KLRD1: variants seen among roughly 807,000 people sequenced by gnomAD.
The protein encoded by KLRD1 is natural killer cells antigen CD94.
Under a neutral mutation model 22.6 loss-of-function variants are expected in KLRD1, and 21 were observed. That is an observed-to-expected ratio of 0.93 (90% CI 0.66 to 1.34). The LOEUF is 1.34. KLRD1 is among the 40% of genes most tolerant of loss of function. The pLI is 0.00. For synonymous variants in KLRD1, 59 were observed against 71.1 expected, an observed-to-expected ratio of 0.83 and a Z score of 0.85; for missense variants, 183 against 208.6, an observed-to-expected ratio of 0.88 and a Z score of 0.76.
Position 10,324,915 on chromosome 12 carries a change from T to G in KLRD1, c.*10122T>G, listed in dbSNP as rs1317240876. 6.7e-6 allele frequency: 1 copy of G among 149,034 alleles called. No homozygotes were observed. The highest frequency in any genetic ancestry group is 2.0e-4 in the East Asian group (1 of 5,042). 9.2% of individuals were successfully genotyped at this position (149,034 alleles called of 1,614,324 possible). A position where few individuals can be genotyped will look rare whatever the true frequency, so the allele number is the denominator to read the frequency against. On this transcript the variant is annotated 3_prime_UTR_variant, in exon 6 of 6. Coordinates refer to ENST00000336164, the MANE Select transcript of KLRD1 (RefSeq NM_002262.5). ...CCTAAATTCACTTATCCTAGCAGCA[T>G]TTCTGTAGATTTCATTGGGTTATCT...
intron 1 of KLRD1, among the ~76,000 whole-genome samples, chr12:10,271,706 G>A (rs1353144809): frequency 5.3e-5 from 8 of 151,924 alleles, no homozygotes; most frequent in Non-Finnish European, 8.8e-5. Context: ...CTATAATCCA[G>A]CTATATGTAT....
chr12:10,246,323 G>C (rs984898850), intron 1 of KLRD1, among the ~76,000 whole-genome samples: 4 of 151,610 alleles, frequency 2.6e-5, no homozygotes, highest in Non-Finnish European at 5.9e-5. Flanking sequence ...AAAATTACAT[G>C]GTATTAAAAT....
rs60673819 is a variant in KLRD1 at position 10,324,843 on chromosome 12, T to TATATATATATATATATATA, written c.*10050_*10051insATATATATATATATATATA. On this transcript the variant is annotated 3_prime_UTR_variant, in exon 6 of 6. Coordinates refer to ENST00000336164, the MANE Select transcript of KLRD1 (RefSeq NM_002262.5). ...GTATATATATATATATATATATATATTCATTTACACAGTTGATTCTAAGTG... is the reference window on the plus strand; with the variant it reads ...GTATATATATATATATATATATATATATATATATATATATATATATCATTTACACAGTTGATTCTAAGTG... 284 of 141,576 alleles carry TATATATATATATATATATA rather than the reference T, an allele frequency of 2.0e-3. 1 individual carries two copies. Among genetic ancestry groups the TATATATATATATATATATA allele is most frequent in the Non-Finnish European group, 3.0e-3 (196 of 64,432 alleles). 8.8% of individuals were successfully genotyped at this position (141,576 alleles called of 1,614,324 possible).
intron 1 of KLRD1, among the ~76,000 whole-genome samples, chr12:10,248,911 C>A (rs1453503321): frequency 1.3e-5 from 2 of 151,856 alleles, no homozygotes; most frequent in African/African-American, 4.8e-5. Context: ...AGTATACTTT[C>A]CGCTTGATGA....
At chr12:10,297,945 G>A (rs1005507927) in intron 1 of KLRD1, among the ~76,000 whole-genome samples, 2 of 152,086 alleles carry the variant, frequency 1.3e-5, no homozygotes, top group Admixed American at 6.6e-5. Context: ...ATCACCAAAG[G>A]AGTCACTTAC....
chr12:10,308,148 T>C, intron 1 of KLRD1, 64 bp downstream of exon 1: 1 of 1,437,620 alleles, frequency 7.0e-7, no homozygotes, highest in Admixed American at 1.7e-5. Flanking sequence ...GATTGGCTGA[T>C]TTTGGGGTAA....
rs1950334577 is a variant in KLRD1, at chr12:10,323,868, T to TTTTTTTC, written c.*9081_*9082insCTTTTTT. The stretch of plus-strand genomic sequence containing the variant: ...CTTTTATTTCTTATTTCTTTCCTTT[T>TTTTTTTC]TTTTTTTTTTTGAGACTGAGTATTG... On this transcript the variant is annotated 3_prime_UTR_variant, in exon 6 of 6. Coordinates refer to ENST00000336164, the MANE Select transcript of KLRD1 (RefSeq NM_002262.5). 1 of 140,696 alleles carries TTTTTTTC rather than the reference T, an allele frequency of 7.1e-6. No homozygotes were observed. Among genetic ancestry groups the TTTTTTTC allele is most frequent in the Non-Finnish European group, 1.6e-5 (1 of 63,938 alleles). The allele number at this position is 140,696 out of a possible 1,614,324, so 8.7% of individuals were successfully genotyped here.
At chr12:10,269,483 T>G (rs1565454403) in intron 1 of KLRD1, among the ~76,000 whole-genome samples, 1 of 152,192 alleles carries the variant, frequency 6.6e-6, no homozygotes, top group East Asian at 1.9e-4. Flanking sequence ...ATCAGCCAGG[T>G]ATCTATTTGG....
chr12:10,252,427 C>A (rs1282225754), intron 1 of KLRD1, among the ~76,000 whole-genome samples: 1 of 152,058 alleles, frequency 6.6e-6, no homozygotes, highest in African/African-American at 2.4e-5. Context: ...TCACTCAAGC[C>A]TTGGAGGTTG....
At chr12:10,259,908 G>A (rs1949432267) in intron 1 of KLRD1, among the ~76,000 whole-genome samples, 1 of 152,246 alleles carries the variant, frequency 6.6e-6, no homozygotes, top group Admixed American at 6.5e-5. Context: ...GGAGGTTGCA[G>A]TGAGCCAAAT....
rs1555113908 is a variant in KLRD1, at chr12:10,324,818, G to GTATGTATATATATA, written c.*10028_*10029insGTATATATATATAT. The GTATGTATATATATA allele has an allele frequency of 1.3e-5, 1 of 74,144 alleles. No homozygotes were observed. The highest frequency in any genetic ancestry group is 2.7e-5 in the Non-Finnish European group (1 of 37,694). The allele number at this position is 74,144 out of a possible 1,614,324, so 4.6% of individuals were successfully genotyped here. ...AGTATATATGTATATGTGTGTGTGT[G>GTATGTATATATATA]TATATATATATATATATATATATAT... On this transcript the variant is annotated 3_prime_UTR_variant, in exon 6 of 6. Transcript: ENST00000336164.
intron 1 of KLRD1, among the ~76,000 whole-genome samples, chr12:10,285,375 A>G (rs1949691728): frequency 6.6e-6 from 1 of 152,192 alleles, no homozygotes; most frequent in Non-Finnish European, 1.5e-5. Context: ...TTTTTGCCAT[A>G]TGCTAGTTTT....
At position 10,319,434 on chromosome 12, in the gene KLRD1, G is replaced by A. The variant is rs1395701714; in HGVS notation, c.*4641G>A. On this transcript the variant is annotated 3_prime_UTR_variant, in exon 6 of 6. Coordinates refer to ENST00000336164, the MANE Select transcript of KLRD1 (RefSeq NM_002262.5). ...CACCTTGTGCTATACATGCCTTGGTGGAATTTCTTTCCACATTGTATCAAG... is the reference window on the plus strand; with the variant it reads ...CACCTTGTGCTATACATGCCTTGGTAGAATTTCTTTCCACATTGTATCAAG... The A allele has an allele frequency of 6.6e-6, 1 of 152,124 alleles. No homozygotes were observed. The allele number at this position is 152,124 out of a possible 1,614,324, so 9.4% of individuals were successfully genotyped here.
At position 10,317,884 on chromosome 12, in the gene KLRD1, G is replaced by A. The variant is rs1950265063; in HGVS notation, c.*3091G>A. On this transcript the variant is annotated 3_prime_UTR_variant, in exon 6 of 6. Coordinates refer to ENST00000336164, the MANE Select transcript of KLRD1 (RefSeq NM_002262.5). ...AAAGCAAACACATCCCTCTACGCATGGCAGCAGAAAGGAGACGTGCTGAGC... is the reference window on the plus strand; with the variant it reads ...AAAGCAAACACATCCCTCTACGCATAGCAGCAGAAAGGAGACGTGCTGAGC... 6.6e-6 allele frequency: 1 copy of A among 152,204 alleles called. No individual in the cohort carries two copies. Among genetic ancestry groups the A allele is most frequent in the Admixed American group, 6.5e-5 (1 of 15,278 alleles). The allele number at this position is 152,204 out of a possible 1,614,324, so 9.4% of individuals were successfully genotyped here.
chr12:10,286,865 G>A (rs1949711040), intron 1 of KLRD1, among the ~76,000 whole-genome samples: 1 of 151,976 alleles, frequency 6.6e-6, no homozygotes, highest in African/African-American at 2.4e-5. Context: ...GGCACCAGGT[G>A]CAGTGGCTCA....
intron 1 of KLRD1, among the ~76,000 whole-genome samples, chr12:10,273,436 T>C (rs544390082): frequency 6.6e-6 from 1 of 152,342 alleles, no homozygotes; most frequent in Non-Finnish European, 1.5e-5. Flanking sequence ...CATATGTGGT[T>C]TTCTATTTTT....
chr12:10,293,116 T>C (rs528004986), intron 1 of KLRD1, among the ~76,000 whole-genome samples: 6 of 47,594 alleles, frequency 1.3e-4, no homozygotes, highest in Non-Finnish European at 2.2e-4. Context: ...GAACATTGTG[T>C]GGCTGGTTTG....
chr12:10,268,137 G>A (rs940463975), intron 1 of KLRD1, among the ~76,000 whole-genome samples: 1 of 152,178 alleles, frequency 6.6e-6, no homozygotes, highest in Non-Finnish European at 1.5e-5. Context: ...TCACTTGGGG[G>A]TTTATGGAGT....
rs1051107073 is a variant in KLRD1 at position 10,316,164 on chromosome 12, T to C, written c.*1371T>C. ...AGATGAAAGGATTTGGAACCTTAAT[T>C]GCATCTGAAAAACTGCCTCACCTTT... On this transcript the variant is annotated 3_prime_UTR_variant, in exon 6 of 6. Coordinates refer to ENST00000336164, the MANE Select transcript of KLRD1 (RefSeq NM_002262.5). 2 of 150,160 alleles carry C rather than the reference T, an allele frequency of 1.3e-5. No homozygotes were observed. Among genetic ancestry groups the C allele is most frequent in the African/African-American group, 4.9e-5 (2 of 40,540 alleles). The allele number at this position is 150,160 out of a possible 1,614,324, so 9.3% of individuals were successfully genotyped here.
Sources: allele counts gnomAD v4.1 joint callset (sites outside exome capture counted in the v4.1 genomes callset), GRCh38; gene constraint gnomAD v4.1.1; transcripts MANE v1.5; gene names NCBI Gene and HGNC (gene_info 2026-07-23, HGNC 2026-07-21).